The following GRIK4 variants were observed in gnomAD, a reference collection of about 807,000 sequenced individuals.
The protein encoded by GRIK4 is glutamate ionotropic receptor kainate type subunit 4, also known as glutamate receptor ionotropic, kainate 4.
GRIK4 carries 40 observed loss-of-function variants against 104.9 expected under a neutral mutation model. That is an observed-to-expected ratio of 0.38 (90% CI 0.30 to 0.50). The LOEUF (loss-of-function observed/expected upper bound fraction) is 0.50, where lower values mean the gene tolerates loss of function less well. Ranked by LOEUF, GRIK4 falls within the 20% of genes least tolerant of loss-of-function variation. GRIK4 has a pLI of 0.93. For synonymous variants in GRIK4, 485 were observed against 524.9 expected, an observed-to-expected ratio of 0.92 and a Z score of 1.04; for missense variants, 1,047 against 1,308.1, an observed-to-expected ratio of 0.80 and a Z score of 3.08.
At chr11:120,539,105 G>A (rs1331731655) in intron 1 of GRIK4, among the ~76,000 whole-genome samples, 4 of 152,202 alleles carry the variant, frequency 2.6e-5, no homozygotes, top group South Asian at 2.1e-4. Context: ...CTAAGATTTC[G>A]GAGGCAGCAC....
chr11:120,931,521 C>T (rs2134608803), intron 13 of GRIK4, among the ~76,000 whole-genome samples: 1 of 152,322 alleles, frequency 6.6e-6, no homozygotes, highest in South Asian at 2.1e-4. Context: ...GAATGTGCTG[C>T]ATATTCAGCA....
intron 1 of GRIK4, among the ~76,000 whole-genome samples, chr11:120,563,457 T>C (rs894789605): frequency 6.6e-6 from 1 of 152,038 alleles, no homozygotes; most frequent in Non-Finnish European, 1.5e-5. Context: ...GGAAGTAGGG[T>C]GGACAGCAGC....
chr11:120,670,193 T>G (rs887121743), intron 3 of GRIK4, among the ~76,000 whole-genome samples: 2 of 152,244 alleles, frequency 1.3e-5, no homozygotes, highest in African/African-American at 2.4e-5. Flanking sequence ...GGTGCTTCCC[T>G]TTTCCAAGCC....
At chr11:120,763,591 A>G (rs1441680819) in intron 3 of GRIK4, among the ~76,000 whole-genome samples, 1 of 152,158 alleles carries the variant, frequency 6.6e-6, no homozygotes, top group Non-Finnish European at 1.5e-5. Flanking sequence ...TGTGCTATAA[A>G]TTTCCCTCTA....
intron 1 of GRIK4, among the ~76,000 whole-genome samples, chr11:120,634,401 C>T (rs528390426): frequency 3.6e-4 from 55 of 152,230 alleles, no homozygotes; most frequent in African/African-American, 1.1e-3. Flanking sequence ...TTCTCCCACA[C>T]CACCCCGCCA....
At chr11:120,807,147 C>T (rs1039569646) in intron 4 of GRIK4, among the ~76,000 whole-genome samples, 9 of 152,304 alleles carry the variant, frequency 5.9e-5, no homozygotes, top group African/African-American at 2.2e-4. Context: ...TCCTGTCCCA[C>T]CTGGCCCTTC....
At chr11:120,634,933 C>T (rs927328830) in intron 1 of GRIK4, among the ~76,000 whole-genome samples, 1 of 152,194 alleles carries the variant, frequency 6.6e-6, no homozygotes, top group Non-Finnish European at 1.5e-5. Flanking sequence ...ATGCGAACGT[C>T]CCCCTTGCAC....
intron 1 of GRIK4, among the ~76,000 whole-genome samples, chr11:120,566,829 G>A (rs11825192): frequency 0.028 from 4,275 of 150,654 alleles, 195 homozygotes; most frequent in African/African-American, 0.098. Flanking sequence ...CCAGCCTCCC[G>A]AGTAGCTGGG....
At chr11:120,680,666 A>C (rs1307851383) in intron 3 of GRIK4, among the ~76,000 whole-genome samples, 1 of 152,182 alleles carries the variant, frequency 6.6e-6, no homozygotes, top group Non-Finnish European at 1.5e-5. Flanking sequence ...CCACATACTC[A>C]CTGGCTTGAA....
At chr11:120,864,870 G>A (rs1954364566) in intron 9 of GRIK4, among the ~76,000 whole-genome samples, 1 of 152,188 alleles carries the variant, frequency 6.6e-6, no homozygotes. Context: ...ACTGGCCTTG[G>A]AGTCACAGAG....
intron 13 of GRIK4, among the ~76,000 whole-genome samples, chr11:120,918,570 TG>T (rs1183193890): frequency 6.6e-6 from 1 of 151,984 alleles, no homozygotes; most frequent in Non-Finnish European, 1.5e-5. Context: ...TGCTCTGGGA[TG>T]GGGGGGTATC....
At chr11:120,757,054 CT>C (rs1385821013) in intron 3 of GRIK4, among the ~76,000 whole-genome samples, 1 of 152,236 alleles carries the variant, frequency 6.6e-6, no homozygotes, top group Non-Finnish European at 1.5e-5. Flanking sequence ...TCTTTTCTCA[CT>C]GACACAGCAG....
At chr11:120,547,116 G>A (rs1274871292) in intron 1 of GRIK4, among the ~76,000 whole-genome samples, 2 of 152,168 alleles carry the variant, frequency 1.3e-5, no homozygotes, top group East Asian at 1.9e-4. Context: ...CAGTCCCTTC[G>A]ACTTGAAGTC....
At position 120,956,775 on chromosome 11, in the gene GRIK4, C is replaced by T. The variant is rs1489867336; in HGVS notation, c.1701-5C>T. The stretch of plus-strand genomic sequence containing the variant: ...GCACTAGTGTATGTTCCTTTTCTCC[C>T]ACAGGTTGACGCCCTACGAGTGGTA... On this transcript the variant is annotated splice_region_variant and splice_polypyrimidine_tract_variant and intron_variant, in intron 15 of 20. Transcript: ENST00000527524. The surrounding 1 kb of genome is among the most constrained non-coding windows in gnomAD (Gnocchi z 4.6). 1.9e-6 allele frequency: 3 copies of T among 1,561,222 alleles called. No individual in the cohort carries two copies. Among genetic ancestry groups the T allele is most frequent in the East Asian group, 2.3e-5 (1 of 43,508 alleles).
chr11:120,961,198 G>A (rs1297239789), intron 17 of GRIK4, 124 bp downstream of exon 17: 3 of 852,964 alleles, frequency 3.5e-6, no homozygotes, highest in Non-Finnish European at 5.5e-6. Flanking sequence ...ATAGTTTGGA[G>A]GTCCACATGG....
In GRIK4 at chr11:120,582,985, G is replaced by A. The variant is rs536826257; in HGVS notation, c.-158-70700G>A. ...TTACATTCCCACCAGCAGTGTATAC[G>A]TGTTCCCTTTTCTCTGCAACCTCAG... On this transcript the variant is annotated intron_variant, in intron 1 of 20. Coordinates refer to ENST00000527524, the MANE Select transcript of GRIK4 (RefSeq NM_014619.5). Among the ~76,000 whole-genome samples the A allele has an allele frequency of 5.9e-5, 9 of 152,272 alleles. No homozygotes were observed. In the South Asian group the frequency reaches 1.5e-3, roughly 25 times the overall value.
chr11:120,960,640 A>G (rs1181792871), intron 16 of GRIK4, among the ~76,000 whole-genome samples: 3 of 152,212 alleles, frequency 2.0e-5, no homozygotes, highest in African/African-American at 7.2e-5. Context: ...TGCATGGACT[A>G]CACCTCTTTT....
At chr11:120,634,006 G>A (rs1038224579) in intron 1 of GRIK4, among the ~76,000 whole-genome samples, 8 of 152,316 alleles carry the variant, frequency 5.3e-5, no homozygotes, top group Non-Finnish European at 8.8e-5. Context: ...GTGGCCAAAC[G>A]TAGGTTCAAA....
At chr11:120,545,681 A>G (rs1463692773) in intron 1 of GRIK4, among the ~76,000 whole-genome samples, 2 of 152,244 alleles carry the variant, frequency 1.3e-5, no homozygotes, top group African/African-American at 4.8e-5. Context: ...GTGAAACAAC[A>G]GTGGCAATGG....
Sources: gnomAD v4.1 joint callset for allele counts (sites outside exome capture counted in the v4.1 genomes callset) on GRCh38, gnomAD v4.1.1 for gene constraint, Gnocchi (gnomAD v3.1) non-coding constraint, MANE v1.5 for transcripts, NCBI Gene and HGNC (gene_info 2026-07-23, HGNC 2026-07-21) for gene names.